The following ZNF768 variants were observed in gnomAD, a reference collection of about 807,000 sequenced individuals.
ZNF768 encodes the protein zinc finger protein 768.
ZNF768 carries 12 observed loss-of-function variants against 39.7 expected under a neutral mutation model. The ratio of observed to expected loss-of-function variants is 0.30; its 90% CI spans 0.19 to 0.49. The LOEUF is 0.49. ZNF768 is among the 20% of genes least tolerant of loss of function. ZNF768 has a pLI of 0.99. For missense variants in ZNF768, 613 were observed against 723.2 expected, an observed-to-expected ratio of 0.85 and a Z score of 1.75; for synonymous variants, 360 against 288.4, an observed-to-expected ratio of 1.25 and a Z score of -2.52.
In ZNF768 at chr16:30,525,015, G is replaced by A; in HGVS notation, c.1125C>T (p.Cys375=). 1 of 1,614,166 alleles carries A rather than the reference G, an allele frequency of 6.2e-7. No individual in the cohort carries two copies. Residue 375 remains cysteine (C), a synonymous_variant, in exon 2 of 2, where the codon TGC becomes TGT. Transcript: ENST00000380412. ...RTHSHERPYS[C]TECGKCYSQN... ...GGCTATAGCACTTGCCGCACTCGGT[G>A]CAGCTGTAGGGCCGCTCGTGGCTGT... is the stretch of plus-strand genomic sequence containing the variant.
At chr16:30,532,400 G>A in the ZNF768 span, 19 of 1,363,620 alleles carry the variant, frequency 1.4e-5, no homozygotes, top group Non-Finnish European at 1.8e-5. Flanking sequence ...CAGCTCTTGC[G>A]GTGGATTCTG....
In ZNF768 at chr16:30,524,640, A is replaced by C. The variant is rs774248945; in HGVS notation, c.1500T>G (p.Leu500=). 3 of 1,612,652 alleles carry C rather than the reference A, an allele frequency of 1.9e-6. No homozygotes were observed. In the East Asian group the frequency reaches 6.7e-5, roughly 36 times the overall value. The part of the protein sequence containing the change: ...CGKGFCRSST[L]LQHHRVHSGE... ...CACTGTGGACCCGGTGATGCTGCAG[A>C]AGCGTGGAGGAGCGGCAGAAGCCCT... Residue 500 remains leucine (L), a synonymous_variant, in exon 2 of 2, where the codon CTT becomes CTG. Transcript: ENST00000380412.
At chr16:30,532,366 G>T in the ZNF768 span, 1 of 1,032,090 alleles carries the variant, frequency 9.7e-7, no homozygotes, top group South Asian at 1.5e-5. Flanking sequence ...GAGAGCCCAA[G>T]ATCAGACTGT....
At chr16:30,528,783 G>A (rs2051348537), upstream of ZNF768, among the ~76,000 whole-genome samples, 1 of 152,172 alleles carries the variant, frequency 6.6e-6, no homozygotes, top group South Asian at 2.1e-4. Flanking sequence ...GCTGGACATG[G>A]GGTACCCTCT....
rs762927854 is a variant in ZNF768 at position 30,525,694 on chromosome 16, T to C, written c.446A>G (p.Tyr149Cys). 13 of 1,613,826 alleles carry C rather than the reference T, an allele frequency of 8.1e-6. No individual in the cohort carries two copies. Among genetic ancestry groups the C allele is most frequent in the African/African-American group, 1.3e-5 (1 of 74,880 alleles). Residue 149 changes from tyrosine to cysteine, a missense_variant, in exon 2 of 2, where the codon TAT becomes TGT. This residue lies in a region of ZNF768 where 347 missense variants were observed against 326.1 expected (regional missense o/e 1.06). Coordinates refer to ENST00000380412, the MANE Select transcript of ZNF768 (RefSeq NM_024671.4). ...SPGYESESSR[Y>C]ESQNTELKTQ... ...TTTGAGCTCAGTGTTCTGGGATTCA[T>C]ATCTAGAGCTCTCAGATTCATAGCC...
chr16:30,526,173 C>A, intron 1 of ZNF768, 122 bp from the exon 2 acceptor site: 2 of 1,500,926 alleles, frequency 1.3e-6, no homozygotes, highest in African/African-American at 2.9e-5. Flanking sequence ...GAAATTCCCA[C>A]GCCCCCCTCA....
Position 30,524,594 on chromosome 16 carries a change from C to A in ZNF768, c.1546G>T (p.Asp516Tyr). The change falls in exon 2 of 2, where the codon GAT (aspartate) becomes TAT (tyrosine). Residue 516 changes from aspartate (D) to tyrosine (Y), a missense_variant. Physicochemically the swap from Asp to Tyr is radical, Grantham distance 160 (BLOSUM62 -3). Transcript: ENST00000380412. ...VHSGERPYKC[D>Y]DCGKAFSQSS... The stretch of plus-strand genomic sequence containing the variant: ...TGGGAGAAGGCCTTTCCGCAGTCAT[C>A]GCACTTGTAAGGCCGCTCGCCACTG... 6.2e-7 allele frequency: 1 copy of A among 1,612,732 alleles called. No homozygotes were observed.
chr16:30,530,520 A>G (rs1382117655), upstream of ZNF768: 2 of 152,094 alleles, frequency 1.3e-5, no homozygotes, highest in African/African-American at 2.4e-5. The surrounding 1 kb of genome is among the most constrained non-coding windows in gnomAD (Gnocchi z 4.4). Context: ...GGAAATTAAA[A>G]CCTGGTACAA....
intron 1 of ZNF768, 107 bp downstream of exon 1, chr16:30,526,219 C>T (rs1452234128): frequency 6.4e-7 from 1 of 1,550,476 alleles, no homozygotes; most frequent in Non-Finnish European, 8.7e-7. Context: ...GCCGGCCCCT[C>T]CTTCGAGTCC....
chr16:30,526,664 C>T (rs2051329709), upstream of ZNF768: 2 of 952,266 alleles, frequency 2.1e-6, no homozygotes, highest in Non-Finnish European at 1.3e-6. Flanking sequence ...CTGGCCCCCG[C>T]GCGTCGCGGC....
In ZNF768 at chr16:30,524,882, C is replaced by A. The variant is rs201049287; in HGVS notation, c.1258G>T (p.Ala420Ser). Residue 420 changes from alanine to serine, a missense_variant, in exon 2 of 2, where the codon GCC becomes TCC. This residue lies in a region of ZNF768 where 204 missense variants were observed against 281.7 expected (regional missense o/e 0.72). Transcript: ENST00000380412. The stretch of plus-strand genomic sequence containing the variant: ...GGCTTCTCCCGGGCGTGGCTGCGGG[C>A]ATGGGGGATAAGGGCCGACCGCTGG... ...FSQRSALIPHARSHAREKPFK... is the reference protein window; with the variant it reads ...FSQRSALIPHSRSHAREKPFK... 2.5e-6 allele frequency: 4 copies of A among 1,611,790 alleles called. No individual in the cohort carries two copies. The highest frequency in any genetic ancestry group is 2.7e-5 in the African/African-American group (2 of 74,912).
Position 30,524,798 on chromosome 16 carries a change from C to G in ZNF768, c.1342G>C (p.Ala448Pro). Residue 448 changes from alanine (A) to proline (P), a missense_variant, in exon 2 of 2, where the codon GCC (alanine) becomes CCC (proline). By Grantham distance (27) the Ala-to-Pro change is conservative. This residue lies in a region of ZNF768 where 204 missense variants were observed against 281.7 expected (regional missense o/e 0.72). Transcript: ENST00000380412. ...GTGCGGCCTGGCAGGTGGGTGCGGG[C>G]GTGGATGGCCAGCACCGAGCTCTGG... ...FGQSSVLAIH[A>P]RTHLPGRTYS... 6.2e-7 allele frequency: 1 copy of G among 1,610,460 alleles called. No homozygotes were observed. Among genetic ancestry groups the G allele is most frequent in the Non-Finnish European group, 8.5e-7 (1 of 1,179,474 alleles).
rs765616370 is a variant in ZNF768 at position 30,526,348 on chromosome 16, C to A, written c.66G>T (p.Arg22Ser). The A allele has an allele frequency of 6.2e-7, 1 of 1,608,588 alleles. No individual in the cohort carries two copies. ...PQDVQSSDEM[R>S]SPEGYLRGNM... ...CACCTCTGAGGTACCCTTCGGGGCT[C>A]CTCATTTCGTCAGAACTCTGCACAT... The change falls in exon 1 of 2, where the codon AGG (arginine) becomes AGT (serine). Residue 22 changes from arginine (R) to serine (S), a missense_variant. Arg to Ser is a moderately radical substitution (Grantham distance 110, BLOSUM62 -1). Around this residue, in one of 4 missense-constraint regions of ZNF768, gnomAD observed 347 missense variants for 326.1 expected, o/e 1.06. Transcript: ENST00000380412.
Position 30,524,850 on chromosome 16 carries a change from C to CT in ZNF768, c.1289dup (p.Cys431ValfsTer3). 6.2e-7 allele frequency: 1 copy of CT among 1,610,704 alleles called. No individual in the cohort carries two copies. The highest frequency in any genetic ancestry group is 8.5e-7 in the Non-Finnish European group (1 of 1,179,696). ...CAAAGCGCTTGCCGCACTCAGGGCA[C>CT]TTGAAGGGCTTCTCCCGGGCGTGGC... On this transcript the variant is annotated frameshift_variant, in exon 2 of 2. Coordinates refer to ENST00000380412, the MANE Select transcript of ZNF768 (RefSeq NM_024671.4). LOFTEE classifies it high-confidence loss of function.
Position 30,524,392 on chromosome 16 carries a change from C to G in ZNF768, c.*125G>C. ...ATGTCACTTCCTCCACCCTGGTTCT[C>G]TTCTTCCAGCATCCTCAGCTCCTCC... On this transcript the variant is annotated 3_prime_UTR_variant, in exon 2 of 2. Coordinates refer to ENST00000380412, the MANE Select transcript of ZNF768 (RefSeq NM_024671.4). 7.0e-7 allele frequency: 1 copy of G among 1,428,614 alleles called. No individual in the cohort carries two copies. Among genetic ancestry groups the G allele is most frequent in the East Asian group, 2.4e-5 (1 of 41,316 alleles). 88.5% of individuals were successfully genotyped at this position (1,428,614 alleles called of 1,614,324 possible).
upstream of ZNF768, among the ~76,000 whole-genome samples, chr16:30,528,926 C>T (rs537812646): frequency 4.0e-4 from 61 of 152,342 alleles, no homozygotes; most frequent in African/African-American, 1.4e-3. Context: ...GGTGGCGAGA[C>T]CTCCAGCCAC....
At chr16:30,529,940 C>T (rs556155128), upstream of ZNF768, among the ~76,000 whole-genome samples, 3 of 151,684 alleles carry the variant, frequency 2.0e-5, no homozygotes, top group Non-Finnish European at 2.9e-5. Context: ...TCTCCTGCCT[C>T]ACCCTCCTGA....
At chr16:30,530,644 T>C (rs1214736584), upstream of ZNF768, 5 of 152,150 alleles carry the variant, frequency 3.3e-5, no homozygotes, top group African/African-American at 1.2e-4. This position sits in a 1 kb window ranked among gnomAD's most constrained non-coding sequence, Gnocchi z 4.4. Context: ...CACGGTGGGA[T>C]TGGATTGGAG....
At position 30,524,324 on chromosome 16, in the gene ZNF768, G is replaced by GACGATAA; in HGVS notation, c.*192_*193insTTATCGT. ...ATTTCTCCCAGGGCCTCCCGCTGCC[G>GACGATAA]GCCTGGCCTCCCTCCAACCCACTTC... On this transcript the variant is annotated 3_prime_UTR_variant, in exon 2 of 2. Transcript: ENST00000380412. 1.1e-6 allele frequency: 1 copy of GACGATAA among 907,680 alleles called. No individual in the cohort carries two copies. Among genetic ancestry groups the GACGATAA allele is most frequent in the South Asian group, 2.0e-5 (1 of 50,584 alleles). The allele number at this position is 907,680 out of a possible 1,614,324, so 56.2% of individuals were successfully genotyped here.
Sources: gnomAD v4.1 joint callset for allele counts (sites outside exome capture counted in the v4.1 genomes callset) on GRCh38, gnomAD v4.1.1 for gene constraint, gnomAD v4.1.1 regional missense constraint, Gnocchi (gnomAD v3.1) non-coding constraint, MANE v1.5 for transcripts, NCBI Gene and HGNC (gene_info 2026-07-23, HGNC 2026-07-21) for gene names.